Variants in PLCB1 observed in about 807,000 individuals in gnomAD.
PLCB1 encodes the protein phospholipase C beta 1, also known as 1-phosphatidylinositol 4,5-bisphosphate phosphodiesterase beta-1.
Under a neutral mutation model 161.8 loss-of-function variants are expected in PLCB1, and 46 were observed. The ratio of observed to expected loss-of-function variants is 0.28; its 90% CI spans 0.22 to 0.36. PLCB1 has a LOEUF of 0.36. Among genes scored for constraint, PLCB1 ranks in the 10% least tolerant of loss-of-function variants. The pLI is 1.00. For missense variants in PLCB1, 1,016 were observed against 1,472.5 expected, an observed-to-expected ratio of 0.69 and a Z score of 5.07; for synonymous variants, 517 against 503.7, an observed-to-expected ratio of 1.03 and a Z score of -0.35.
chr20:8,771,921 G>C (rs977522206), intron 26 of PLCB1, among the ~76,000 whole-genome samples: 2 of 113,818 alleles, frequency 1.8e-5, no homozygotes, highest in African/African-American at 6.5e-5. Flanking sequence ...TTGCTCTTTT[G>C]CTCAGGCTGG....
chr20:8,861,739 A>T (rs1004062594), intron 31 of PLCB1, among the ~76,000 whole-genome samples: 1 of 151,710 alleles, frequency 6.6e-6, no homozygotes, highest in Non-Finnish European at 1.5e-5. Context: ...AAAAAAAAAA[A>T]AAAAAAAAAG....
intron 3 of PLCB1, among the ~76,000 whole-genome samples, chr20:8,586,019 G>C (rs1453144694): frequency 6.6e-6 from 1 of 152,162 alleles, no homozygotes; most frequent in African/African-American, 2.4e-5. Context: ...CATTACCCCA[G>C]ATTCAATAAA....
At chr20:8,588,123 T>C (rs991363042) in intron 3 of PLCB1, among the ~76,000 whole-genome samples, 1 of 152,206 alleles carries the variant, frequency 6.6e-6, no homozygotes, top group Admixed American at 6.6e-5. Flanking sequence ...GCTTATTGAA[T>C]ATATACTTCG....
intron 2 of PLCB1, among the ~76,000 whole-genome samples, chr20:8,178,032 C>CT (rs1370684234): frequency 1.3e-5 from 2 of 152,074 alleles, no homozygotes; most frequent in Non-Finnish European, 2.9e-5. Context: ...TGATCTCACT[C>CT]TTTTTTATGG....
chr20:8,535,419 T>C (rs1178129801), intron 3 of PLCB1, among the ~76,000 whole-genome samples: 1 of 152,182 alleles, frequency 6.6e-6, no homozygotes, highest in Admixed American at 6.6e-5. Flanking sequence ...TTAAAAGCCA[T>C]GTCAATGCCA....
At chr20:8,642,072 A>G (rs1177981313) in intron 4 of PLCB1, among the ~76,000 whole-genome samples, 2 of 152,258 alleles carry the variant, frequency 1.3e-5, no homozygotes, top group African/African-American at 2.4e-5. Flanking sequence ...GATTTGAGTA[A>G]TATTATTATG....
At chr20:8,870,347 A>G (rs1987569653) in intron 31 of PLCB1, among the ~76,000 whole-genome samples, 1 of 152,240 alleles carries the variant, frequency 6.6e-6, no homozygotes, top group African/African-American at 2.4e-5. Context: ...GGGTTTGACT[A>G]TGTAATTGTT....
chr20:8,644,733 G>A (rs1468654445), intron 4 of PLCB1, among the ~76,000 whole-genome samples: 11 of 148,304 alleles, frequency 7.4e-5, no homozygotes, highest in Non-Finnish European at 1.2e-4. Context: ...CCTGCCAGCC[G>A]CCCCGCCCGG....
intron 3 of PLCB1, among the ~76,000 whole-genome samples, chr20:8,568,977 A>G (rs1490754336): frequency 6.6e-6 from 1 of 152,226 alleles, no homozygotes; most frequent in South Asian, 2.1e-4. Context: ...ATGAGAGGTT[A>G]TAACACAGAT....
chr20:8,760,352 A>G, intron 24 of PLCB1, 55 bp from the exon 25 acceptor site: 1 of 1,061,812 alleles, frequency 9.4e-7, no homozygotes, highest in Non-Finnish European at 1.4e-6. Flanking sequence ...TGTTTACAGG[A>G]AGAATAAAAT....
intron 3 of PLCB1, among the ~76,000 whole-genome samples, chr20:8,553,728 C>T (rs932676413): frequency 2.0e-5 from 3 of 151,932 alleles, no homozygotes; most frequent in Non-Finnish European, 4.4e-5. Flanking sequence ...TAGCTTGTCA[C>T]GCTGGCACAT....
chr20:8,432,975 C>G (rs1243020270), intron 3 of PLCB1, among the ~76,000 whole-genome samples: 1 of 152,192 alleles, frequency 6.6e-6, no homozygotes, highest in African/African-American at 2.4e-5. Context: ...CTTGATCACA[C>G]GTGGTATCCA....
chr20:8,826,886 G>A (rs1030403177), intron 31 of PLCB1, among the ~76,000 whole-genome samples: 1 of 152,132 alleles, frequency 6.6e-6, no homozygotes, highest in African/African-American at 2.4e-5. Context: ...TTCAGTGGTT[G>A]GCTTCTCTGG....
chr20:8,203,085 G>GCA (rs928361400), intron 2 of PLCB1, among the ~76,000 whole-genome samples: 3 of 133,150 alleles, frequency 2.3e-5, no homozygotes, highest in South Asian at 2.4e-4. Context: ...TGGGTTGTAT[G>GCA]CACACACACG....
intron 2 of PLCB1, among the ~76,000 whole-genome samples, chr20:8,172,015 C>T (rs2051737492): frequency 6.6e-6 from 1 of 152,010 alleles, no homozygotes; most frequent in Admixed American, 6.6e-5. Context: ...CAGTTATGTC[C>T]TTTCCCACAA....
rs1981311546 is a variant in PLCB1, at chr20:8,748,937, A to T, written c.2523+7364A>T. 2.0e-5 allele frequency among the ~76,000 whole-genome samples: 3 copies of T among 152,304 alleles called. No homozygotes were observed. In the South Asian group the frequency reaches 6.2e-4, roughly 32 times the overall value. On this transcript the variant is annotated intron_variant, in intron 23 of 31. Coordinates refer to ENST00000338037, the MANE Select transcript of PLCB1 (RefSeq NM_015192.4). ...TTATAACATCATGTTGTATGCCTTGAATTTACACAATAAAATTTATTTTTT... is the reference window on the plus strand; with the variant it reads ...TTATAACATCATGTTGTATGCCTTGTATTTACACAATAAAATTTATTTTTT...
At chr20:8,850,594 G>A (rs548342678) in intron 31 of PLCB1, among the ~76,000 whole-genome samples, 92 of 152,142 alleles carry the variant, frequency 6.0e-4, no homozygotes, top group South Asian at 1.7e-3. Context: ...AGGACTTTAC[G>A]AGGTTTAGGT....
chr20:8,640,845 C>T (rs1298581670), intron 4 of PLCB1, among the ~76,000 whole-genome samples: 1 of 152,126 alleles, frequency 6.6e-6, no homozygotes, highest in Non-Finnish European at 1.5e-5. Flanking sequence ...GTGCCATGGA[C>T]GTTGCTCTTT....
At chr20:8,351,894 T>C (rs73591743) in intron 2 of PLCB1, among the ~76,000 whole-genome samples, 5,030 of 152,120 alleles carry the variant, frequency 0.033, 270 homozygotes, top group African/African-American at 0.11. Context: ...ACTAATGGGG[T>C]TGCAAAATGG....
Sources: allele counts gnomAD v4.1 joint callset (sites outside exome capture counted in the v4.1 genomes callset), GRCh38; gene constraint gnomAD v4.1.1; transcripts MANE v1.5; gene names NCBI Gene and HGNC (gene_info 2026-07-23, HGNC 2026-07-21).